The following NUCKS1 variants were observed in gnomAD, a reference collection of about 807,000 sequenced individuals.
NUCKS1 encodes nuclear casein kinase and cyclin dependent kinase substrate 1.
A neutral mutation model predicts 33.0 loss-of-function variants in NUCKS1; 2 were observed. The observed-to-expected ratio is 0.06, with a 90% CI of 0.02 to 0.19. The LOEUF is 0.19. Ranked by LOEUF, NUCKS1 falls within the 10% of genes least tolerant of loss-of-function variation. The pLI, the probability that NUCKS1 is intolerant of heterozygous loss-of-function variation, is 1.00. For missense variants in NUCKS1, 201 were observed against 293.6 expected, an observed-to-expected ratio of 0.68 and a Z score of 2.31; for synonymous variants, 106 against 102.8, an observed-to-expected ratio of 1.03 and a Z score of -0.19.
At chr1:205,718,560 G>GT (rs1215175228) in intron 6 of NUCKS1, 81 bp from the exon 7 acceptor site, 6 of 1,565,622 alleles carry the variant, frequency 3.8e-6, no homozygotes, top group Non-Finnish European at 5.2e-6. Flanking sequence ...ACAACAATCT[G>GT]TAAGAATAAA....
intron 1 of NUCKS1, among the ~76,000 whole-genome samples, chr1:205,736,443 A>G (rs547739131): frequency 3.9e-5 from 6 of 152,090 alleles, no homozygotes; most frequent in Non-Finnish European, 5.9e-5. Context: ...ATCTAATTCA[A>G]CCTTTAGCTT....
chr1:205,726,062 G>A (rs1161247182), intron 3 of NUCKS1, among the ~76,000 whole-genome samples: 1 of 152,086 alleles, frequency 6.6e-6, no homozygotes, highest in African/African-American at 2.4e-5. Flanking sequence ...AGCCAGGTGT[G>A]GTGGTGGGTG....
At position 205,741,545 on chromosome 1, in the gene NUCKS1, C is replaced by T. The variant is rs1196969805; in HGVS notation, c.17+8412G>A. On this transcript the variant is annotated intron_variant, in intron 1 of 6. Coordinates refer to ENST00000367142, the MANE Select transcript of NUCKS1 (RefSeq NM_022731.5). ...GGAAACCTCGGTGGTGTCTTCCAAA[C>T]TGTGTAACTCAATCGCTAGGGACAA... Among the ~76,000 whole-genome samples the T allele has an allele frequency of 1.3e-5, 2 of 152,034 alleles. 1 individual carries two copies. Among genetic ancestry groups the T allele is most frequent in the South Asian group, 4.1e-4 (2 of 4,828 alleles).
intron 1 of NUCKS1, among the ~76,000 whole-genome samples, chr1:205,741,297 C>CAAAAAAAAAAAAAAAAA (rs56979923): frequency 2.5e-5 from 2 of 78,922 alleles, no homozygotes; most frequent in Admixed American, 1.6e-4. Context: ...GAGACTGTCT[C>CAAAAAAAAAAAAAAAAA]AAAAAAAAAA....
At chr1:205,724,026 A>C in intron 3 of NUCKS1, 45 bp from the exon 4 acceptor site, 3 of 1,344,866 alleles carry the variant, frequency 2.2e-6, no homozygotes, top group Non-Finnish European at 3.2e-6. Context: ...GTCTTAGCTC[A>C]AAATCTAAGT....
At chr1:205,737,192 C>T (rs1156579901) in intron 1 of NUCKS1, among the ~76,000 whole-genome samples, 1 of 152,206 alleles carries the variant, frequency 6.6e-6, no homozygotes, top group Non-Finnish European at 1.5e-5. Flanking sequence ...TGACCCTCCT[C>T]TTCCTATTCT....
intron 1 of NUCKS1, among the ~76,000 whole-genome samples, chr1:205,738,187 G>A (rs1276856027): frequency 1.3e-5 from 2 of 151,744 alleles, no homozygotes; most frequent in South Asian, 2.1e-4. Flanking sequence ...CACCATGCCC[G>A]GCTACTTTTT....
intron 1 of NUCKS1, among the ~76,000 whole-genome samples, chr1:205,748,629 G>A (rs1393713962): frequency 6.6e-6 from 1 of 152,198 alleles, no homozygotes; most frequent in Admixed American, 6.5e-5. Context: ...CACCCCGTGT[G>A]TAGGAGTACG....
intron 1 of NUCKS1, among the ~76,000 whole-genome samples, chr1:205,746,102 C>A (rs946012292): frequency 1.2e-4 from 18 of 152,060 alleles, no homozygotes; most frequent in Admixed American, 1.3e-4. Flanking sequence ...TCGAGACCAG[C>A]CTGGCCAACA....
intron 1 of NUCKS1, among the ~76,000 whole-genome samples, chr1:205,740,235 A>T (rs1306434357): frequency 1.3e-5 from 2 of 151,022 alleles, no homozygotes; most frequent in Non-Finnish European, 3.0e-5. Flanking sequence ...AAACTCCAGG[A>T]CTCAAGCAAT....
At chr1:205,726,779 T>C (rs763095089) in intron 3 of NUCKS1, among the ~76,000 whole-genome samples, 5 of 152,174 alleles carry the variant, frequency 3.3e-5, no homozygotes, top group Non-Finnish European at 5.9e-5. Flanking sequence ...AAGAATTAAA[T>C]GATAGTGTAC....
chr1:205,748,847 T>G (rs1340360435), intron 1 of NUCKS1, among the ~76,000 whole-genome samples: 1 of 152,232 alleles, frequency 6.6e-6, no homozygotes, highest in Non-Finnish European at 1.5e-5. Flanking sequence ...AAACACACTA[T>G]GCAAAGAAGC....
chr1:205,743,584 T>C (rs534895867), intron 1 of NUCKS1, among the ~76,000 whole-genome samples: 3 of 152,354 alleles, frequency 2.0e-5, no homozygotes, highest in Admixed American at 6.5e-5. Context: ...CTTTAGTCTT[T>C]TAATACATTG....
rs1372145489 is a variant in NUCKS1 at position 205,750,011 on chromosome 1, G to A, written c.-38C>T. The A allele has an allele frequency of 1.9e-6, 3 of 1,578,892 alleles. No homozygotes were observed. Among genetic ancestry groups the A allele is most frequent in the African/African-American group, 1.4e-5 (1 of 72,764 alleles). ...AACAGGACCGAGTCGAGAAGCCAAA[G>A]ACCAGGACCCCCCCCACCCCGCGCG... On this transcript the variant is annotated 5_prime_UTR_variant, in exon 1 of 7. Transcript: ENST00000367142.
At position 205,750,141 on chromosome 1, in the gene NUCKS1, G is replaced by A. The variant is rs1447197820; in HGVS notation, c.-168C>T. 4.4e-6 allele frequency: 3 copies of A among 682,406 alleles called. No individual in the cohort carries two copies. Among genetic ancestry groups the A allele is most frequent in the Non-Finnish European group, 7.6e-6 (3 of 394,318 alleles). 42.3% of individuals were successfully genotyped at this position (682,406 alleles called of 1,614,324 possible). On this transcript the variant is annotated 5_prime_UTR_variant, in exon 1 of 7. Coordinates refer to ENST00000367142, the MANE Select transcript of NUCKS1 (RefSeq NM_022731.5). ...GCTGCTCTTTGGTTCAGGGCTCCTG[G>A]AACAGACGAGCCCCCCGCTCCCCCG...
At chr1:205,735,791 G>A (rs754090577) in intron 1 of NUCKS1, among the ~76,000 whole-genome samples, 1 of 152,104 alleles carries the variant, frequency 6.6e-6, no homozygotes, top group Non-Finnish European at 1.5e-5. Context: ...GAATACCACT[G>A]TAATTTTGAA....
In NUCKS1 at chr1:205,720,175, C is replaced by T. The variant is rs527761655; in HGVS notation, c.382+326G>A. 1.6e-4 allele frequency among the ~76,000 whole-genome samples: 24 copies of T among 152,282 alleles called. No homozygotes were observed. In the East Asian group the frequency reaches 4.6e-3, roughly 29 times the overall value. On this transcript the variant is annotated intron_variant, in intron 5 of 6. Transcript: ENST00000367142. Reference sequence around the variant, plus strand: ...GTTTTTTTCTGTGAAAAGAGGTCTACAACCTCCTCCACCAGGGCAAAATAC... The same window carrying T: ...GTTTTTTTCTGTGAAAAGAGGTCTATAACCTCCTCCACCAGGGCAAAATAC...
intron 1 of NUCKS1, among the ~76,000 whole-genome samples, chr1:205,744,630 G>GTTTTTTTTTT (rs10672842): frequency 0.015 from 1,299 of 87,734 alleles, 157 homozygotes; most frequent in East Asian, 0.052. Context: ...GTTCACTAGA[G>GTTTTTTTTTT]TTTTTTTTTT....
At chr1:205,743,433 A>C (rs1358365249) in intron 1 of NUCKS1, among the ~76,000 whole-genome samples, 1 of 152,220 alleles carries the variant, frequency 6.6e-6, no homozygotes, top group East Asian at 1.9e-4. Flanking sequence ...CCCAATAATT[A>C]ATCACTAATC....
Sources: gnomAD v4.1 joint callset for allele counts (sites outside exome capture counted in the v4.1 genomes callset) on GRCh38, gnomAD v4.1.1 for gene constraint, MANE v1.5 for transcripts, NCBI Gene and HGNC (gene_info 2026-07-23, HGNC 2026-07-21) for gene names.